The following IQCE variants were observed in gnomAD, a reference collection of about 807,000 sequenced individuals.
IQCE encodes the protein IQ domain-containing protein E.
Under a neutral mutation model 96.0 loss-of-function variants are expected in IQCE, and 115 were observed. The ratio of observed to expected loss-of-function variants is 1.20; its 90% CI spans 1.03 to 1.40. The LOEUF (loss-of-function observed/expected upper bound fraction) is 1.40. Ranked by LOEUF, IQCE falls within the 40% of genes most tolerant of loss-of-function variation. The pLI is 0.00. For missense variants in IQCE, 1,041 were observed against 909.1 expected (o/e 1.15, Z -1.87); for synonymous variants, 412 against 371.2 (o/e 1.11, Z -1.26).
intron 6 of IQCE, among the ~76,000 whole-genome samples, chr7:2,574,901 C>T (rs936065874): frequency 1.3e-5 from 2 of 152,174 alleles, no homozygotes; most frequent in African/African-American, 4.8e-5. Flanking sequence ...CTTACTGTCT[C>T]GGTTCAGTTC....
At chr7:2,604,831 GC>G in intron 18 of IQCE, 49 bp from the exon 19 acceptor site, 3 of 1,396,496 alleles carry the variant, frequency 2.1e-6, no homozygotes, top group African/African-American at 1.4e-5. Context: ...GCCCGCCGTT[GC>G]CCCGGGCACT....
intron 2 of IQCE, 88 bp from the exon 3 acceptor site, chr7:2,568,866 C>A: frequency 8.0e-7 from 1 of 1,253,928 alleles, no homozygotes; most frequent in Non-Finnish European, 1.2e-6. Flanking sequence ...TCTTACACGA[C>A]CCCTGACCCT....
chr7:2,604,154 A>T (rs1237245157), intron 18 of IQCE, among the ~76,000 whole-genome samples: 1 of 151,938 alleles, frequency 6.6e-6, no homozygotes. Flanking sequence ...CGTCTGGCTA[A>T]TTTTTGTATT....
At chr7:2,586,401 AG>A in intron 12 of IQCE, 30 bp downstream of exon 12, 1 of 1,508,202 alleles carries the variant, frequency 6.6e-7, no homozygotes, top group South Asian at 1.2e-5. Flanking sequence ...TCCAGGAGGG[AG>A]GCCAGGGAAT....
chr7:2,567,193 C>T, intron 2 of IQCE, 30 bp downstream of exon 2: 2 of 1,602,954 alleles, frequency 1.2e-6, no homozygotes, highest in African/African-American at 1.3e-5. Context: ...AGCCGTGCGA[C>T]CTCGGGCTGG....
At chr7:2,577,549 G>A (rs1420241924) in intron 6 of IQCE, among the ~76,000 whole-genome samples, 11 of 120,218 alleles carry the variant, frequency 9.2e-5, no homozygotes, top group East Asian at 5.5e-4. Flanking sequence ...TGGCGTGTGC[G>A]TGGCTGTGCG....
intron 8 of IQCE, among the ~76,000 whole-genome samples, chr7:2,579,945 G>A (rs1782539462): frequency 6.6e-6 from 1 of 152,028 alleles, no homozygotes; most frequent in South Asian, 2.1e-4. Flanking sequence ...GTAAGATGGG[G>A]TCTTGCGAAG....
chr7:2,562,777 TTTGAG>T (rs1346427764), intron 1 of IQCE, among the ~76,000 whole-genome samples: 1 of 152,128 alleles, frequency 6.6e-6, no homozygotes, highest in Non-Finnish European at 1.5e-5. Context: ...TTTTACTTCC[TTTGAG>T]TTTAGTTTTC....
In IQCE at chr7:2,611,600, G is replaced by A. The variant is rs1785107741; in HGVS notation, c.*1438G>A. 1 of 152,204 alleles carries A rather than the reference G, an allele frequency of 6.6e-6. No individual in the cohort carries two copies. Among genetic ancestry groups the A allele is most frequent in the Admixed American group, 6.5e-5 (1 of 15,280 alleles). The allele number at this position is 152,204 out of a possible 1,614,324, so 9.4% of individuals were successfully genotyped here. On this transcript the variant is annotated 3_prime_UTR_variant, in exon 22 of 22. Transcript: ENST00000402050. ...GTGGCTTGTGAAAGGGAGAGAGGAGGCTCTGCATGTCCACCTGCTCTATGG... is the reference window on the plus strand; with the variant it reads ...GTGGCTTGTGAAAGGGAGAGAGGAGACTCTGCATGTCCACCTGCTCTATGG...
chr7:2,580,063 C>T (rs906308065), intron 8 of IQCE: 1 of 152,064 alleles, frequency 6.6e-6, no homozygotes, highest in Admixed American at 6.6e-5. Context: ...AATTCCAGAT[C>T]CTAGGGTATA....
intron 6 of IQCE, among the ~76,000 whole-genome samples, chr7:2,576,982 G>A (rs895590474): frequency 1.3e-5 from 2 of 152,174 alleles, no homozygotes; most frequent in African/African-American, 4.8e-5. Context: ...TCTCATCACG[G>A]GTTCCGTTGG....
chr7:2,611,124 T>TGGGCTGGGCTGGGCTGGGCC lies in IQCE; in HGVS notation c.*967_*986dup, dbSNP rs1255472860. On this transcript the variant is annotated 3_prime_UTR_variant, in exon 22 of 22. Transcript: ENST00000402050. The stretch of plus-strand genomic sequence containing the variant: ...CCCAAGCTCCATGGCTGGGCTGGGC[T>TGGGCTGGGCTGGGCTGGGCC]GGGCTGGGCTGGGCTGGGCCGGGCG... 1.1e-5 allele frequency: 1 copy of TGGGCTGGGCTGGGCTGGGCC among 87,454 alleles called. No individual in the cohort carries two copies. 5.4% of individuals were successfully genotyped at this position (87,454 alleles called of 1,614,324 possible).
rs367731945 is a variant in IQCE, at chr7:2,598,507, G to A, written c.1483G>A (p.Glu495Lys). 6.2e-5 allele frequency: 100 copies of A among 1,609,216 alleles called. No homozygotes were observed. Among genetic ancestry groups the A allele is most frequent in the Middle Eastern group, 1.6e-4 (1 of 6,062 alleles). The change falls in exon 17 of 22, where the codon GAG becomes AAG. Residue 495 changes from glutamate to lysine, a missense_variant. Physicochemically the swap from Glu to Lys is moderately conservative, Grantham distance 56. Transcript: ENST00000402050. ...TCCCACTCCCAGCAGCAGGCACTGC[G>A]AGCAAGACTGGCCGCCGGATTCCAG... ...PAPTPSSRHC[E>K]QDWPPDSSEE... is the part of the protein sequence containing the mutation.
intron 8 of IQCE, chr7:2,581,905 G>C (rs183834347): frequency 1.0e-5 from 3 of 292,908 alleles, no homozygotes; most frequent in Non-Finnish European, 2.2e-5. Flanking sequence ...GTAGAGACGG[G>C]GTTTCACCTT....
intron 15 of IQCE, among the ~76,000 whole-genome samples, chr7:2,593,765 C>T (rs551826374): frequency 1.2e-3 from 181 of 152,194 alleles, no homozygotes; most frequent in Middle Eastern, 3.4e-3. Context: ...CTTTCTGGGG[C>T]GATGTAAACG....
intron 11 of IQCE, 140 bp downstream of exon 11, chr7:2,584,425 TTCAGGGTTAGAGTTGA>T (rs1782939406): frequency 1.2e-6 from 1 of 820,860 alleles, no homozygotes; most frequent in South Asian, 1.4e-5. Context: ...ACCTGTTCTG[TTCAGGGTTAGAGTTGA>T]CACGTTTCCA....
chr7:2,585,047 C>T (rs570968488), intron 11 of IQCE, among the ~76,000 whole-genome samples: 1 of 106,118 alleles, frequency 9.4e-6, no homozygotes, highest in Admixed American at 1.0e-4. Flanking sequence ...CTGCTCATAA[C>T]ATTTTTTTTT....
chr7:2,608,293 C>T (rs1305271823), intron 21 of IQCE, among the ~76,000 whole-genome samples: 3 of 152,172 alleles, frequency 2.0e-5, no homozygotes, highest in African/African-American at 2.4e-5. Context: ...GGGAAGAGGC[C>T]GTTTTGAGGC....
Position 2,567,051 on chromosome 7 carries a change from T to TA in IQCE, c.37-62dup, listed in dbSNP as rs575103782. 6.7e-4 allele frequency: 969 copies of TA among 1,436,752 alleles called. 3 individuals are homozygous for TA. The highest frequency in any genetic ancestry group is 1.5e-3 in the Admixed American group (89 of 58,738). The allele number at this position is 1,436,752 out of a possible 1,614,324, so 89.0% of individuals were successfully genotyped here. ...TGTGGACGGGCTGTTTTCGCTTTTG[T>TA]AAACGTGATGGTCGGAAGCCCAGCA... On this transcript the variant is annotated intron_variant, in intron 1 of 21. Coordinates refer to ENST00000402050, the MANE Select transcript of IQCE (RefSeq NM_152558.5).
Sources: allele counts gnomAD v4.1 joint callset (sites outside exome capture counted in the v4.1 genomes callset), GRCh38; gene constraint gnomAD v4.1.1; transcripts MANE v1.5; gene names NCBI Gene and HGNC (gene_info 2026-07-23, HGNC 2026-07-21).